The following VWA3A variants were observed in gnomAD, a reference collection of about 807,000 sequenced individuals.
VWA3A encodes von Willebrand factor A domain containing 3A, also known as von Willebrand factor A domain-containing protein 3A.
VWA3A carries 134 observed loss-of-function variants against 160.4 expected under a neutral mutation model. The ratio of observed to expected loss-of-function variants is 0.84; its 90% CI spans 0.73 to 0.96. The LOEUF is 0.96. Ranked by LOEUF, VWA3A falls within the 40% of genes least tolerant of loss-of-function variation. The probability of loss-of-function intolerance (pLI) is 0.00; values close to 1 mark genes in which losing one functional copy is unlikely to be tolerated. For synonymous variants in VWA3A, 476 were observed against 543.4 expected (o/e 0.88, Z 1.72); for missense variants, 1,310 against 1,447.9 (o/e 0.90, Z 1.55).
chr16:22,116,856 C>T lies in VWA3A; in HGVS notation c.913C>T (p.Gln305Ter). ...CTTCATCACCTACAGATGCGATGAT[C>T]AGATGCCCCCTGTGAGTGCCCGAGA... is the stretch of plus-strand genomic sequence containing the variant. ...IHFITYRCDD[Q>*]MPPAVLKNLA... The change falls in exon 10 of 34, where the codon CAG (glutamine) becomes TAG (stop). Residue 305 changes from glutamine to a stop codon, truncating the protein, a stop_gained. Transcript: ENST00000389398. LOFTEE classifies it high-confidence loss of function. 6.2e-7 allele frequency: 1 copy of T among 1,612,544 alleles called. No individual in the cohort carries two copies. The highest frequency in any genetic ancestry group is 1.1e-5 in the South Asian group (1 of 91,050).
chr16:22,097,428 A>G, intron 2 of VWA3A, 144 bp from the exon 3 acceptor site: 1 of 1,037,484 alleles, frequency 9.6e-7, no homozygotes, highest in East Asian at 2.7e-5. Flanking sequence ...TTTTATCAGG[A>G]CTCTGCAGGA....
chr16:22,139,795 C>T (rs538105604), intron 22 of VWA3A, among the ~76,000 whole-genome samples: 1 of 152,296 alleles, frequency 6.6e-6, no homozygotes, highest in Admixed American at 6.5e-5. Flanking sequence ...ACATCCCAGT[C>T]CATTAGGAAG....
intron 20 of VWA3A, 74 bp downstream of exon 20, chr16:22,133,169 C>A: frequency 1.4e-6 from 2 of 1,454,436 alleles, no homozygotes; most frequent in Non-Finnish European, 1.9e-6. Flanking sequence ...TCCCTTAGAC[C>A]ACAGATGTAT....
At chr16:22,111,944 C>T (rs1362173192) in intron 8 of VWA3A, among the ~76,000 whole-genome samples, 1 of 152,182 alleles carries the variant, frequency 6.6e-6, no homozygotes, top group Non-Finnish European at 1.5e-5. Flanking sequence ...TCCACTTCCA[C>T]AAATAATCTT....
At position 22,118,963 on chromosome 16, in the gene VWA3A, T is replaced by A; in HGVS notation, c.1052T>A (p.Leu351His). The A allele has an allele frequency of 6.2e-7, 1 of 1,613,944 alleles. No individual in the cohort carries two copies. Among genetic ancestry groups the A allele is most frequent in the African/African-American group, 1.3e-5 (1 of 75,050 alleles). The change falls in exon 12 of 34, where the codon CTC becomes CAC. Residue 351 changes from leucine (L) to histidine (H), a missense_variant. Coordinates refer to ENST00000389398, the MANE Select transcript of VWA3A (RefSeq NM_173615.5). Reference protein sequence around the residue: ...LAEIQKAQSLLSHVQALQHSS... With the variant: ...LAEIQKAQSLHSHVQALQHSS... ...GAAATTCAGAAGGCCCAGAGCCTCC[T>A]CAGCCACGTGCAAGCCCTGCAGCAC...
intron 19 of VWA3A, among the ~76,000 whole-genome samples, 174 bp downstream of exon 19, chr16:22,131,903 C>G (rs1056127849): frequency 2.0e-5 from 3 of 152,170 alleles, no homozygotes; most frequent in African/African-American, 7.2e-5. Context: ...TGGAGACCAG[C>G]CTGGGCAATA....
chr16:22,094,255 G>A (rs893497083), intron 1 of VWA3A, among the ~76,000 whole-genome samples: 3 of 151,932 alleles, frequency 2.0e-5, no homozygotes, highest in Admixed American at 6.6e-5. Context: ...TGTTCATGAG[G>A]CATTTCTATT....
At chr16:22,126,087 C>T in intron 16 of VWA3A, 91 bp from the exon 17 acceptor site, 1 of 1,553,436 alleles carries the variant, frequency 6.4e-7, no homozygotes, top group African/African-American at 1.4e-5. Flanking sequence ...GCAAAATTCC[C>T]CTGGAAAAAA....
Position 22,156,059 on chromosome 16 carries a change from C to G in VWA3A, c.*42C>G, listed in dbSNP as rs1440255143. The G allele has an allele frequency of 2.3e-6, 2 of 869,224 alleles. No individual in the cohort carries two copies. The highest frequency in any genetic ancestry group is 3.4e-5 in the African/African-American group (2 of 58,712). The allele number at this position is 869,224 out of a possible 1,614,324, so 53.8% of individuals were successfully genotyped here. A position where few individuals can be genotyped will look rare whatever the true frequency, so the allele number is the denominator to read the frequency against. On this transcript the variant is annotated 3_prime_UTR_variant, in exon 34 of 34. Coordinates refer to ENST00000389398, the MANE Select transcript of VWA3A (RefSeq NM_173615.5). ...AAGTCATCCTGCAAAGGACCACTCA[C>G]TGAGCAAATCTCAGCCCCGAGGGCA...
intron 17 of VWA3A, among the ~76,000 whole-genome samples, chr16:22,129,806 CAAGA>C (rs1254810537): frequency 2.6e-5 from 4 of 152,210 alleles, no homozygotes; most frequent in African/African-American, 9.6e-5. Context: ...CAAAAGAACA[CAAGA>C]AAGAAGAACC....
intron 17 of VWA3A, among the ~76,000 whole-genome samples, chr16:22,130,054 G>A (rs943770838): frequency 6.6e-6 from 1 of 152,100 alleles, no homozygotes; most frequent in Admixed American, 6.6e-5. Context: ...GGGTCTCAGC[G>A]GTGCAGGCCT....
chr16:22,130,793 G>T (rs561746495), intron 17 of VWA3A, among the ~76,000 whole-genome samples: 1 of 152,074 alleles, frequency 6.6e-6, no homozygotes, highest in East Asian at 1.9e-4. Flanking sequence ...TGTAGAAATG[G>T]GGTCTTGCTA....
rs2045779225 is a variant in VWA3A at position 22,123,272 on chromosome 16, G to A, written c.1437+107G>A. ...CAAGCCATTGACTCAACTCCCTCTT[G>A]TAAAGAGGGACTGTGTGCTCCACCT... is the stretch of plus-strand genomic sequence containing the variant. On this transcript the variant is annotated intron_variant, in intron 15 of 33. Coordinates refer to ENST00000389398, the MANE Select transcript of VWA3A (RefSeq NM_173615.5). The A allele has an allele frequency of 2.6e-6, 3 of 1,174,514 alleles. No homozygotes were observed. In the South Asian group the frequency reaches 4.2e-5, roughly 16 times the overall value. The allele number at this position is 1,174,514 out of a possible 1,614,324, so 72.8% of individuals were successfully genotyped here.
In VWA3A at chr16:22,152,568, C is replaced by T; in HGVS notation, c.3339C>T (p.Cys1113=). 1 of 1,612,410 alleles carries T rather than the reference C, an allele frequency of 6.2e-7. No individual in the cohort carries two copies. Among genetic ancestry groups the T allele is most frequent in the Non-Finnish European group, 8.5e-7 (1 of 1,179,234 alleles). The part of the protein sequence containing the change: ...LASFTGGRYH[C]PVGEDTLSKI... ...CCTTCACCGGCGGACGCTATCACTG[C>T]CCTGTGGGTGAGGACACACTCTCCA... Residue 1113 remains cysteine (C), a synonymous_variant, in exon 31 of 34, where the codon TGC becomes TGT. Transcript: ENST00000389398.
At chr16:22,143,122 C>T (rs1292589194) in intron 25 of VWA3A, among the ~76,000 whole-genome samples, 1 of 150,128 alleles carries the variant, frequency 6.7e-6, no homozygotes, top group African/African-American at 2.5e-5. Flanking sequence ...TGCACTCCAG[C>T]CTGGGTGACA....
chr16:22,142,336 T>G (rs934495235), intron 24 of VWA3A, among the ~76,000 whole-genome samples: 4 of 151,750 alleles, frequency 2.6e-5, no homozygotes, highest in African/African-American at 9.7e-5. Flanking sequence ...TTTGGGCATC[T>G]GGTGAGAGCT....
At chr16:22,145,657 C>T (rs74475973) in intron 26 of VWA3A, among the ~76,000 whole-genome samples, 13,418 of 149,324 alleles carry the variant, frequency 0.09, 660 homozygotes, top group South Asian at 0.15. Flanking sequence ...AAAAAAAAAT[C>T]AGAAATTATT....
At chr16:22,131,171 C>G (rs1043154370) in intron 17 of VWA3A, 34 bp from the exon 18 acceptor site, 1 of 1,606,632 alleles carries the variant, frequency 6.2e-7, no homozygotes, top group Admixed American at 1.7e-5. Context: ...GGACCTCCCC[C>G]AGCCTAAGAA....
intron 3 of VWA3A, among the ~76,000 whole-genome samples, chr16:22,099,678 A>T (rs776126687): frequency 5.3e-5 from 8 of 152,328 alleles, no homozygotes; most frequent in Admixed American, 2.6e-4. Flanking sequence ...CACAGAACTT[A>T]AGTCAAGGTC....
Sources: allele counts gnomAD v4.1 joint callset (sites outside exome capture counted in the v4.1 genomes callset), GRCh38; gene constraint gnomAD v4.1.1; transcripts MANE v1.5; gene names NCBI Gene and HGNC (gene_info 2026-07-23, HGNC 2026-07-21).